GMEB2: variants seen among roughly 807,000 people sequenced by gnomAD.
GMEB2 encodes the protein glucocorticoid modulatory element-binding protein 2.
A neutral mutation model predicts 45.7 loss-of-function variants in GMEB2; 7 were observed. The ratio of observed to expected loss-of-function variants is 0.15; its 90% confidence interval spans 0.09 to 0.29. The LOEUF is 0.29. Ranked by LOEUF, GMEB2 falls within the 10% of genes least tolerant of loss-of-function variation. The pLI, the probability that GMEB2 is intolerant of heterozygous loss-of-function variation, is 1.00. For synonymous variants in GMEB2, 322 were observed against 323.6 expected (o/e 1.00, Z 0.05); for missense variants, 582 against 739.2 (o/e 0.79, Z 2.47).
chr20:63,626,541 C>A (rs1426653074), intron 1 of GMEB2, among the ~76,000 whole-genome samples: 1 of 131,520 alleles, frequency 7.6e-6, no homozygotes, highest in Admixed American at 7.9e-5. Context: ...GGGGTGGCCC[C>A]TGCGGGTCGC....
intron 3 of GMEB2, among the ~76,000 whole-genome samples, chr20:63,604,420 A>G (rs113072482): frequency 1.3e-5 from 2 of 152,326 alleles, no homozygotes; most frequent in African/African-American, 4.8e-5. Flanking sequence ...TGATCGTTAT[A>G]ATAAACAGAC....
At position 63,592,063 on chromosome 20, in the gene GMEB2, T is replaced by C. The variant is rs1375863046; in HGVS notation, c.911A>G (p.Gln304Arg). Residue 304 changes from glutamine to arginine, a missense_variant, in exon 9 of 10, where the codon CAG (glutamine) becomes CGG (arginine). By Grantham distance (43) the Gln-to-Arg change is conservative. Coordinates refer to ENST00000370077, the MANE Select transcript of GMEB2 (RefSeq NM_012384.5). This position sits in a 1 kb window ranked among gnomAD's most constrained non-coding sequence, Gnocchi z 8.2. Reference sequence around the variant, plus strand: ...GTACTGCTCCCGCGAGCGGTCCATCTGGCACTTGTGGCTGGCCAGCACCTT... The same window carrying C: ...GTACTGCTCCCGCGAGCGGTCCATCCGGCACTTGTGGCTGGCCAGCACCTT... ...VKKVLASHKC[Q>R]MDRSREQYAR... The C allele has an allele frequency of 6.2e-7, 1 of 1,613,508 alleles. No homozygotes were observed.
chr20:63,592,014 C>A lies in GMEB2; in HGVS notation c.952+8G>T. The A allele has an allele frequency of 6.2e-7, 1 of 1,607,384 alleles. No individual in the cohort carries two copies. Among genetic ancestry groups the A allele is most frequent in the Non-Finnish European group, 8.5e-7 (1 of 1,178,736 alleles). On this transcript the variant is annotated splice_region_variant and intron_variant, in intron 9 of 9. Coordinates refer to ENST00000370077, the MANE Select transcript of GMEB2 (RefSeq NM_012384.5). The surrounding 1 kb of genome is among the most constrained non-coding windows in gnomAD (Gnocchi z 8.2). ...CCAGGGGACGGGACGGGGGTGGTCTCAGCATACCTGCCAGGTCCCGGGCGT... is the reference window on the plus strand; with the variant it reads ...CCAGGGGACGGGACGGGGGTGGTCTAAGCATACCTGCCAGGTCCCGGGCGT...
intron 4 of GMEB2, among the ~76,000 whole-genome samples, chr20:63,602,287 G>A (rs1213853559): frequency 6.6e-6 from 1 of 152,172 alleles, no homozygotes; most frequent in Non-Finnish European, 1.5e-5. Flanking sequence ...CTCTGCCAGG[G>A]ACAAGAGGTA....
At chr20:63,605,739 G>A (rs2089513835) in intron 2 of GMEB2, among the ~76,000 whole-genome samples, 1 of 151,976 alleles carries the variant, frequency 6.6e-6, no homozygotes, top group African/African-American at 2.4e-5. Flanking sequence ...CAGATCACTT[G>A]AGGTCAGGAG....
At chr20:63,624,672 AC>A (rs1330539924) in intron 1 of GMEB2, among the ~76,000 whole-genome samples, 1 of 152,152 alleles carries the variant, frequency 6.6e-6, no homozygotes, top group Admixed American at 6.5e-5. Context: ...CACGCACAAA[AC>A]TGAATTCCAG....
intron 4 of GMEB2, among the ~76,000 whole-genome samples, chr20:63,601,554 G>C (rs1447716662): frequency 1.4e-5 from 2 of 139,918 alleles, no homozygotes; most frequent in Non-Finnish European, 3.1e-5. Flanking sequence ...TTTTTTTTAA[G>C]AAGAAACTGG....
intron 1 of GMEB2, among the ~76,000 whole-genome samples, chr20:63,623,699 G>A (rs754774021): frequency 6.6e-6 from 1 of 152,100 alleles, no homozygotes; most frequent in East Asian, 1.9e-4. Flanking sequence ...TTGGGAGGCT[G>A]AGGCAGGAGA....
intron 2 of GMEB2, 110 bp from the exon 3 acceptor site, chr20:63,604,950 A>T (rs1481960440): frequency 5.6e-6 from 4 of 720,596 alleles, no homozygotes; most frequent in Non-Finnish European, 1.0e-5. Flanking sequence ...CTTCTAACTG[A>T]ATTCAGAAAT....
Position 63,589,926 on chromosome 20 carries a change from C to G in GMEB2, c.*163G>C. On this transcript the variant is annotated 3_prime_UTR_variant, in exon 10 of 10. Transcript: ENST00000370077. The stretch of plus-strand genomic sequence containing the variant: ...CCAGGTTGCTCTCGCTGTTCTGTCC[C>G]CTTCTCTCTTCTCGTGATTTGTTTT... The G allele has an allele frequency of 1.9e-6, 1 of 518,692 alleles. No homozygotes were observed. The highest frequency in any genetic ancestry group is 3.3e-6 in the Non-Finnish European group (1 of 304,928). The allele number at this position is 518,692 out of a possible 1,614,324, so 32.1% of individuals were successfully genotyped here.
chr20:63,611,716 G>A (rs1227773290), intron 2 of GMEB2, among the ~76,000 whole-genome samples: 2 of 152,256 alleles, frequency 1.3e-5, no homozygotes, highest in East Asian at 3.9e-4. Context: ...AATCCCCAGG[G>A]GATCAAATTG....
At chr20:63,613,299 A>C (rs987218755) in intron 2 of GMEB2, among the ~76,000 whole-genome samples, 6 of 152,240 alleles carry the variant, frequency 3.9e-5, no homozygotes, top group Admixed American at 3.9e-4. Flanking sequence ...CATAAAGCAA[A>C]GCTAACCTAC....
intron 2 of GMEB2, 98 bp from the exon 3 acceptor site, chr20:63,604,938 C>G (rs1446339770): frequency 1.3e-6 from 1 of 759,030 alleles, no homozygotes; most frequent in Non-Finnish European, 2.4e-6. Context: ...ACCTGTTACA[C>G]TCTTCTAACT....
intron 2 of GMEB2, among the ~76,000 whole-genome samples, chr20:63,614,172 C>G (rs1055088041): frequency 2.0e-5 from 3 of 152,050 alleles, no homozygotes; most frequent in Admixed American, 6.6e-5. Context: ...AGATATAGAT[C>G]ATAAATATGA....
At chr20:63,616,601 G>A (rs2089610378) in intron 2 of GMEB2, among the ~76,000 whole-genome samples, 1 of 152,248 alleles carries the variant, frequency 6.6e-6, no homozygotes, top group Non-Finnish European at 1.5e-5. Flanking sequence ...GAGAGGCGGA[G>A]GCTGGCCGTG....
intron 4 of GMEB2, among the ~76,000 whole-genome samples, chr20:63,602,626 C>G (rs1303656296): frequency 6.6e-6 from 1 of 152,200 alleles, no homozygotes; most frequent in Non-Finnish European, 1.5e-5. Flanking sequence ...GGCACCTGAC[C>G]TATCAGTATT....
At chr20:63,621,934 G>A (rs1179879822) in intron 1 of GMEB2, among the ~76,000 whole-genome samples, 1 of 151,566 alleles carries the variant, frequency 6.6e-6, no homozygotes, top group Non-Finnish European at 1.5e-5. Context: ...GACCAGCCTG[G>A]GCAACACAGC....
At chr20:63,613,797 C>A (rs560646744) in intron 2 of GMEB2, among the ~76,000 whole-genome samples, 1 of 152,306 alleles carries the variant, frequency 6.6e-6, no homozygotes, top group Admixed American at 6.5e-5. Flanking sequence ...CAGGTGTGAG[C>A]CACTGCGCCT....
chr20:63,597,864 T>C lies in GMEB2; in HGVS notation c.358-4A>G. On this transcript the variant is annotated splice_polypyrimidine_tract_variant and splice_region_variant and intron_variant, in intron 4 of 9. Transcript: ENST00000370077. ...GGCTGATTACATGCTCGTCGTACTG[T>C]GGGGGACACAGTCATGTGGGTCAAG... The C allele has an allele frequency of 6.4e-7, 1 of 1,555,802 alleles. No homozygotes were observed. The highest frequency in any genetic ancestry group is 8.9e-7 in the Non-Finnish European group (1 of 1,127,020).
Sources: gnomAD v4.1 joint callset for allele counts (sites outside exome capture counted in the v4.1 genomes callset) on GRCh38, gnomAD v4.1.1 for gene constraint, Gnocchi (gnomAD v3.1) non-coding constraint, MANE v1.5 for transcripts, NCBI Gene and HGNC (gene_info 2026-07-23, HGNC 2026-07-21) for gene names.